Variants in NPC1 observed in about 807,000 individuals in gnomAD.
NPC1 encodes the protein Niemann-Pick C1 protein.
NPC1 carries 85 observed loss-of-function variants against 140.4 expected under a neutral mutation model. The ratio of observed to expected loss-of-function variants is 0.61; its 90% CI spans 0.51 to 0.72. The LOEUF is 0.72. Ranked by LOEUF, NPC1 falls within the 30% of genes least tolerant of loss-of-function variation. The pLI is 0.00. For synonymous variants in NPC1, 656 were observed against 624.8 expected, an observed-to-expected ratio of 1.05 and a Z score of -0.74; for missense variants, 1,504 against 1,623.8, an observed-to-expected ratio of 0.93 and a Z score of 1.27.
In NPC1 at chr18:23,547,968, A is replaced by G. The variant is rs372263688; in HGVS notation, c.1757+38T>C. 2.9e-4 allele frequency: 349 copies of G among 1,185,320 alleles called. 2 individuals are homozygous for G. Among genetic ancestry groups the G allele is most frequent in the Non-Finnish European group, 1.9e-4 (153 of 788,252 alleles). 73.4% of individuals were successfully genotyped at this position (1,185,320 alleles called of 1,614,324 possible). A position where few individuals can be genotyped will look rare whatever the true frequency, so the allele number is the denominator to read the frequency against. On this transcript the variant is annotated intron_variant, in intron 11 of 24. Coordinates refer to ENST00000269228, the MANE Select transcript of NPC1 (RefSeq NM_000271.5). ...TGCCGCAAGTGTCTAGCTTCCCACA[A>G]TGCAAGGACAGTCTGCTCACACCCA...
chr18:23,538,204 C>A lies in NPC1; in HGVS notation c.3041+338G>T, dbSNP rs552636165. Among the ~76,000 whole-genome samples the A allele has an allele frequency of 7.2e-5, 11 of 152,288 alleles. 1 individual carries two copies. The South Asian group carries it at 1.7e-3, about 23-fold the overall frequency. ...GCTGCCATCAGTACAAGTGAACAGG[C>A]CAAGTTCCTTCAGGCCTGGATTACC... On this transcript the variant is annotated intron_variant, in intron 20 of 24. Transcript: ENST00000269228.
chr18:23,550,123 C>T (rs1025568499), intron 10 of NPC1, among the ~76,000 whole-genome samples: 2 of 150,208 alleles, frequency 1.3e-5, no homozygotes, highest in Non-Finnish European at 3.0e-5. Flanking sequence ...GTGATCCTCC[C>T]ACCTCAGCCT....
At chr18:23,524,505 C>A, downstream of NPC1, 1 of 1,611,606 alleles carries the variant, frequency 6.2e-7, no homozygotes, top group South Asian at 1.1e-5. Flanking sequence ...GGACAGTTGT[C>A]GTGTTACAAC....
chr18:23,556,361 A>G lies in NPC1; in HGVS notation c.1208T>C (p.Phe403Ser), dbSNP rs371234970. 13 of 1,614,110 alleles carry G rather than the reference A, an allele frequency of 8.1e-6. No individual in the cohort carries two copies. The African/African-American group carries it at 1.7e-4, about 22-fold the overall frequency. ...EYFDQHFGPF[F>S]RTEQLIIRAP... ...CCGGATGATGAGCTGCTCCGTCCGG[A>G]AGAAAGGCCCAAAGTGCTGGTCAAA... The change falls in exon 8 of 25, where the codon TTC (phenylalanine) becomes TCC (serine). Residue 403 changes from phenylalanine to serine, a missense_variant. Coordinates refer to ENST00000269228, the MANE Select transcript of NPC1 (RefSeq NM_000271.5).
At chr18:23,530,430 C>T, downstream of NPC1, 1 of 1,614,264 alleles carries the variant, frequency 6.2e-7, no homozygotes, top group Non-Finnish European at 8.5e-7. Context: ...GTTCTCCTTT[C>T]CAAACACCAA....
Position 23,586,440 on chromosome 18 carries a change from CAGG to C in NPC1, c.-100_-98del. On this transcript the variant is annotated 5_prime_UTR_variant, in exon 1 of 25. Coordinates refer to ENST00000269228, the MANE Select transcript of NPC1 (RefSeq NM_000271.5). ...CCCCGGGCTGTTTCAGCACCCCGCG[CAGG>C]AGGAGCGGAGGAGCAGGAGCAGGCG... is the stretch of plus-strand genomic sequence containing the variant. 1 of 1,510,758 alleles carries C rather than the reference CAGG, an allele frequency of 6.6e-7. No homozygotes were observed. 93.6% of individuals were successfully genotyped at this position (1,510,758 alleles called of 1,614,324 possible). A position where few individuals can be genotyped will look rare whatever the true frequency, so the allele number is the denominator to read the frequency against.
intron 3 of NPC1, among the ~76,000 whole-genome samples, chr18:23,569,213 T>C (rs764054469): frequency 6.6e-6 from 1 of 152,234 alleles, no homozygotes; most frequent in Non-Finnish European, 1.5e-5. Context: ...ATTTATTGTG[T>C]CCAATTATAA....
downstream of NPC1, chr18:23,524,351 A>C: frequency 1.3e-6 from 2 of 1,539,770 alleles, no homozygotes; most frequent in Non-Finnish European, 1.8e-6. Flanking sequence ...CATGGTGGGC[A>C]GGGGCGAGTG....
chr18:23,542,268 T>C (rs1004430538), intron 14 of NPC1, among the ~76,000 whole-genome samples: 2 of 151,832 alleles, frequency 1.3e-5, no homozygotes, highest in African/African-American at 4.8e-5. Flanking sequence ...TTTTTTTTTT[T>C]TTTTCTGCAC....
chr18:23,528,019 C>A, downstream of NPC1: 1 of 844,944 alleles, frequency 1.2e-6, no homozygotes. Flanking sequence ...CTGAGATTTG[C>A]CGCCTGCCAT....
At chr18:23,572,047 T>A in intron 3 of NPC1, 27 bp downstream of exon 3, 1 of 1,461,894 alleles carries the variant, frequency 6.8e-7, no homozygotes, top group African/African-American at 1.4e-5. Flanking sequence ...TACAGCCCAG[T>A]TGTTCTGTTT....
chr18:23,538,630 C>G lies in NPC1; in HGVS notation c.2953G>C (p.Glu985Gln), dbSNP rs2058667798. ...CCCCCCTGAGGCCTCTGTTTGCCTT[C>G]CGGAGTCAGAGGCCTGCAGCGAACG... is the stretch of plus-strand genomic sequence containing the variant. ...ACVRCRPLTP[E>Q]GKQRPQGGDF... Residue 985 changes from glutamate to glutamine, a missense_variant, in exon 20 of 25, where the codon GAA becomes CAA. By Grantham distance (29) the Glu-to-Gln change is conservative. Coordinates refer to ENST00000269228, the MANE Select transcript of NPC1 (RefSeq NM_000271.5). 6.2e-7 allele frequency: 1 copy of G among 1,614,050 alleles called. No individual in the cohort carries two copies. The highest frequency in any genetic ancestry group is 1.7e-5 in the Admixed American group (1 of 60,002).
At chr18:23,563,936 GA>G (rs2059081132) in intron 4 of NPC1, among the ~76,000 whole-genome samples, 1 of 146,608 alleles carries the variant, frequency 6.8e-6, no homozygotes, top group African/African-American at 2.5e-5. Context: ...ACTCTATTCA[GA>G]TCTTTTGCCA....
chr18:23,521,521 C>G (rs2058140476), downstream of NPC1, among the ~76,000 whole-genome samples: 1 of 152,182 alleles, frequency 6.6e-6, no homozygotes, highest in Non-Finnish European at 1.5e-5. Flanking sequence ...GGCTCTTAGG[C>G]TTACCCAAAT....
chr18:23,509,872 A>T (rs2057805272), intron 3 of NPC1, among the ~76,000 whole-genome samples: 1 of 145,176 alleles, frequency 6.9e-6, no homozygotes, highest in Non-Finnish European at 1.5e-5. Context: ...GCTAATTTTT[A>T]AACTTTTTTG....
Position 23,535,462 on chromosome 18 carries a change from G to A in NPC1, c.3477+7C>T, listed in dbSNP as rs1455802023. 5 of 1,591,036 alleles carry A rather than the reference G, an allele frequency of 3.1e-6. No individual in the cohort carries two copies. The highest frequency in any genetic ancestry group is 4.3e-6 in the Non-Finnish European group (5 of 1,161,322). On this transcript the variant is annotated splice_region_variant and intron_variant, in intron 22 of 24. Transcript: ENST00000269228. Reference sequence around the variant, plus strand: ...TAGGGACAAACTGAGACTGTATGAGGACTCACCATCACCAGGTTGACCAAG... The same window carrying A: ...TAGGGACAAACTGAGACTGTATGAGAACTCACCATCACCAGGTTGACCAAG...
downstream of NPC1, chr18:23,530,051 C>CA: frequency 1.2e-6 from 2 of 1,614,148 alleles, no homozygotes; most frequent in Non-Finnish European, 1.7e-6. Context: ...AACTTGTTAT[C>CA]AAAACCCTTG....
At chr18:23,520,154 GCAAA>G (rs1567924241), downstream of NPC1, 9 of 1,451,012 alleles carry the variant, frequency 6.2e-6, no homozygotes, top group Non-Finnish European at 8.7e-6. Flanking sequence ...AAGCAACTGG[GCAAA>G]CCATGATTGA....
rs530675070 is a variant in NPC1, at chr18:23,532,174, A to G, written c.*28T>C. On this transcript the variant is annotated 3_prime_UTR_variant, in exon 25 of 25. Transcript: ENST00000269228. Reference sequence around the variant, plus strand: ...GGTAAACCGACCGACCCTTAGACACAGTTCAGTCAGGATGCCCTGCGAGAG... The same window carrying G: ...GGTAAACCGACCGACCCTTAGACACGGTTCAGTCAGGATGCCCTGCGAGAG... The G allele has an allele frequency of 1.2e-6, 2 of 1,614,104 alleles. No individual in the cohort carries two copies. Among genetic ancestry groups the G allele is most frequent in the East Asian group, 2.2e-5 (1 of 44,874 alleles).
Sources: gnomAD v4.1 joint callset for allele counts (sites outside exome capture counted in the v4.1 genomes callset) on GRCh38, gnomAD v4.1.1 for gene constraint, MANE v1.5 for transcripts, NCBI Gene and HGNC (gene_info 2026-07-23, HGNC 2026-07-21) for gene names.